The following LNX1 variants were observed in gnomAD, a reference collection of about 807,000 sequenced individuals.
LNX1 encodes the protein E3 ubiquitin-protein ligase LNX.
A neutral mutation model predicts 68.4 loss-of-function variants in LNX1; 54 were observed. The observed-to-expected ratio is 0.79, with a 90% CI of 0.63 to 0.99. The LOEUF is 0.99. LNX1 is among the 50% of genes least tolerant of loss of function. The pLI, the probability that LNX1 is intolerant of heterozygous loss-of-function variation, is 0.00. For missense variants in LNX1, 906 were observed against 926.4 expected (o/e 0.98, Z 0.29); for synonymous variants, 336 against 350.0 (o/e 0.96, Z 0.45).
chr4:53,602,932 C>T (rs1014746168), intron 2 of LNX1: 1 of 152,176 alleles, frequency 6.6e-6, no homozygotes, highest in African/African-American at 2.4e-5. Flanking sequence ...AGATGTGAAG[C>T]TCTGAGACCA....
chr4:53,626,129 T>C (rs1734066140), intron 1 of LNX1, among the ~76,000 whole-genome samples: 1 of 152,116 alleles, frequency 6.6e-6, no homozygotes, highest in Admixed American at 6.6e-5. Context: ...GTGAAAGAAG[T>C]CTGACACAAA....
intron 7 of LNX1, among the ~76,000 whole-genome samples, chr4:53,479,558 T>C (rs147166201): frequency 6.6e-6 from 1 of 152,224 alleles, no homozygotes; most frequent in Non-Finnish European, 1.5e-5. Context: ...AAAAAGAAAA[T>C]CATCTGTGAA....
intron 2 of LNX1, among the ~76,000 whole-genome samples, chr4:53,550,155 C>A (rs897859180): frequency 5.9e-5 from 9 of 152,146 alleles, no homozygotes; most frequent in African/African-American, 2.2e-4. Flanking sequence ...TTGGTGAGTT[C>A]AATGTAAATG....
At chr4:53,499,729 T>C (rs1725343304) in intron 4 of LNX1, among the ~76,000 whole-genome samples, 1 of 152,194 alleles carries the variant, frequency 6.6e-6, no homozygotes, top group African/African-American at 2.4e-5. Context: ...TTTTCAGGCT[T>C]GGGGGAACAT....
chr4:53,529,950 C>T (rs543982680), intron 2 of LNX1, among the ~76,000 whole-genome samples: 4 of 69,930 alleles, frequency 5.7e-5, no homozygotes, highest in East Asian at 3.6e-4. Context: ...GCTACAGAGA[C>T]TAGAAAAAAT....
intron 1 of LNX1, among the ~76,000 whole-genome samples, chr4:53,643,254 A>T (rs1293301821): frequency 1.3e-5 from 2 of 151,914 alleles, no homozygotes; most frequent in Admixed American, 1.3e-4. Flanking sequence ...AGGCTCAAGC[A>T]ATCTTCCCAC....
Position 53,508,056 on chromosome 4 carries a change from G to T in LNX1, c.552C>A (p.Tyr184Ter). 1 of 1,614,162 alleles carries T rather than the reference G, an allele frequency of 6.2e-7. No individual in the cohort carries two copies. Among genetic ancestry groups the T allele is most frequent in the Non-Finnish European group, 8.5e-7 (1 of 1,180,022 alleles). ...GCTGCCCGTCCTCTGCCGAGGACAC[G>T]TAGGCAGGGTTGTCTAGGCCAGGCT... Reference protein sequence around the residue: ...TDEPGLDNPAYVSSAEDGQPA... With the variant: ...TDEPGLDNPA Residue 184 changes from tyrosine (Y) to a stop codon, truncating the protein, a stop_gained, in exon 3 of 11, where the codon TAC (tyrosine) becomes TAA (stop). Coordinates refer to ENST00000263925, the MANE Select transcript of LNX1 (RefSeq NM_001126328.3). LOFTEE classifies it high-confidence loss of function.
chr4:53,483,743 A>T (rs1203491888), intron 6 of LNX1, among the ~76,000 whole-genome samples: 2 of 152,208 alleles, frequency 1.3e-5, no homozygotes, highest in Non-Finnish European at 2.9e-5. Flanking sequence ...AGGGGCAGTG[A>T]CCTGCCAGCT....
intron 2 of LNX1, among the ~76,000 whole-genome samples, chr4:53,568,537 A>G (rs1398665591): frequency 2.0e-5 from 3 of 149,320 alleles, no homozygotes; most frequent in Non-Finnish European, 4.4e-5. Flanking sequence ...TACAGCCAAT[A>G]TCATACTGAA....
intron 7 of LNX1, among the ~76,000 whole-genome samples, chr4:53,479,311 CT>C (rs1420046150): frequency 1.3e-5 from 2 of 152,168 alleles, no homozygotes; most frequent in African/African-American, 2.4e-5. Context: ...ATATCAGAAA[CT>C]TTTCTATGTT....
intron 2 of LNX1, among the ~76,000 whole-genome samples, chr4:53,606,692 A>G (rs1254826491): frequency 1.3e-5 from 2 of 152,350 alleles, no homozygotes; most frequent in Non-Finnish European, 2.9e-5. Context: ...ATGAACATCA[A>G]TGCAAAAATC....
chr4:53,537,865 A>T (rs1050854563), intron 2 of LNX1, among the ~76,000 whole-genome samples: 2 of 152,240 alleles, frequency 1.3e-5, no homozygotes, highest in African/African-American at 4.8e-5. Flanking sequence ...TGGTCCAGCC[A>T]GTTTGCTTCC....
intron 6 of LNX1, among the ~76,000 whole-genome samples, chr4:53,493,848 C>G (rs1246792472): frequency 6.6e-6 from 1 of 152,196 alleles, no homozygotes; most frequent in African/African-American, 2.4e-5. Context: ...CTTTTCAGCT[C>G]TCCACTGACT....
chr4:53,551,053 A>G (rs184779622), intron 2 of LNX1, among the ~76,000 whole-genome samples: 2 of 152,284 alleles, frequency 1.3e-5, no homozygotes, highest in East Asian at 3.9e-4. Flanking sequence ...GTCGCAGGTT[A>G]GGTTAGAGTC....
At chr4:53,583,961 A>ACAACAG (rs2109804400) in intron 1 of LNX1, among the ~76,000 whole-genome samples, 1 of 151,898 alleles carries the variant, frequency 6.6e-6, no homozygotes, top group East Asian at 1.9e-4. Context: ...AACAACAACA[A>ACAACAG]CAACAACAAC....
chr4:53,603,562 T>A (rs1733106876), intron 2 of LNX1: 1 of 152,364 alleles, frequency 6.6e-6, no homozygotes, highest in Non-Finnish European at 1.5e-5. Context: ...GCCCGGCATC[T>A]GCTCAGCTTC....
At chr4:53,642,830 T>A (rs1734736367) in intron 1 of LNX1, among the ~76,000 whole-genome samples, 1 of 152,096 alleles carries the variant, frequency 6.6e-6, no homozygotes, top group Non-Finnish European at 1.5e-5. Flanking sequence ...ACTTGAAGAA[T>A]CCCCAGATCC....
chr4:53,609,744 ATATT>A (rs1733398804), intron 2 of LNX1, among the ~76,000 whole-genome samples: 1 of 141,442 alleles, frequency 7.1e-6, no homozygotes. Context: ...ATACTATTAT[ATATT>A]ATATATAATA....
chr4:53,476,482 A>G (rs1723568396), intron 9 of LNX1, among the ~76,000 whole-genome samples: 1 of 152,020 alleles, frequency 6.6e-6, no homozygotes, highest in African/African-American at 2.4e-5. Context: ...TGCATGAACA[A>G]CCTACACAGC....
Sources: gnomAD v4.1 joint callset for allele counts (sites outside exome capture counted in the v4.1 genomes callset) on GRCh38, gnomAD v4.1.1 for gene constraint, MANE v1.5 for transcripts, NCBI Gene and HGNC (gene_info 2026-07-23, HGNC 2026-07-21) for gene names.